COL5A1: variants seen among roughly 807,000 people sequenced by gnomAD.
COL5A1 encodes collagen type V alpha 1 chain.
Under a neutral mutation model 263.7 loss-of-function variants are expected in COL5A1, and 16 were observed. The ratio of observed to expected loss-of-function variants is 0.06; its 90% confidence interval spans 0.04 to 0.09. COL5A1 has a LOEUF of 0.09. Ranked by LOEUF, COL5A1 falls within the 10% of genes least tolerant of loss-of-function variation. The probability of loss-of-function intolerance (pLI) is 1.00; values close to 1 mark genes in which losing one functional copy is unlikely to be tolerated. For synonymous variants in COL5A1, 1,012 were observed against 1,004.5 expected (o/e 1.01, Z -0.14); for missense variants, 2,036 against 2,540.5 (o/e 0.80, Z 4.27).
At position 134,823,610 on chromosome 9, in the gene COL5A1, C is replaced by A. The variant is rs573657734; in HGVS notation, c.4698+141C>A. ...ATGCCCGGGCCTTGTCCCTCGCACGCAGCCGGGGAAATGAGCCACACAGGT... is the reference window on the plus strand; with the variant it reads ...ATGCCCGGGCCTTGTCCCTCGCACGAAGCCGGGGAAATGAGCCACACAGGT... On this transcript the variant is annotated intron_variant, in intron 61 of 65. Transcript: ENST00000371817. 11 of 824,982 alleles carry A rather than the reference C, an allele frequency of 1.3e-5. No homozygotes were observed. In the African/African-American group the frequency reaches 1.7e-4, roughly 13 times the overall value. 51.1% of individuals were successfully genotyped at this position (824,982 alleles called of 1,614,324 possible). A position where few individuals can be genotyped will look rare whatever the true frequency, so the allele number is the denominator to read the frequency against.
At chr9:134,698,020 G>T (rs1833541854) in intron 2 of COL5A1, among the ~76,000 whole-genome samples, 1 of 151,188 alleles carries the variant, frequency 6.6e-6, no homozygotes, top group Admixed American at 6.6e-5. Flanking sequence ...GGAGGTGGAG[G>T]TTGCAGTGAG....
chr9:134,671,896 CTT>C (rs1287002826), intron 1 of COL5A1, among the ~76,000 whole-genome samples: 2 of 152,252 alleles, frequency 1.3e-5, no homozygotes, highest in African/African-American at 4.8e-5. Context: ...GCGCGTTTGT[CTT>C]TTGTCCACAT....
intron 1 of COL5A1, among the ~76,000 whole-genome samples, chr9:134,658,548 G>A (rs537015495): frequency 1.7e-3 from 255 of 152,334 alleles, no homozygotes; most frequent in African/African-American, 5.9e-3. Flanking sequence ...CTGCAGCTAG[G>A]GCCTGGCCGA....
In COL5A1 at chr9:134,812,786, G is replaced by C. The variant is rs538410729; in HGVS notation, c.3852+74G>C. ...TGTGTGTGTGTGTCTGTGTGTGTGT[G>C]TCTGTGTGTATGTGTATGTGCGCAT... On this transcript the variant is annotated intron_variant, in intron 48 of 65. Coordinates refer to ENST00000371817, the MANE Select transcript of COL5A1 (RefSeq NM_000093.5). 63 of 1,048,786 alleles carry C rather than the reference G, an allele frequency of 6.0e-5. No homozygotes were observed. The East Asian group carries it at 1.5e-3, about 24-fold the overall frequency. The allele number at this position is 1,048,786 out of a possible 1,614,324, so 65.0% of individuals were successfully genotyped here.
intron 11 of COL5A1, among the ~76,000 whole-genome samples, chr9:134,744,761 AC>A (rs1481089801): frequency 6.6e-6 from 1 of 151,896 alleles, no homozygotes; most frequent in Admixed American, 6.5e-5. Flanking sequence ...ACATTCATGC[AC>A]ATGCTCACTC....
intron 11 of COL5A1, among the ~76,000 whole-genome samples, chr9:134,748,871 T>C (rs1446126660): frequency 6.6e-6 from 1 of 152,202 alleles, no homozygotes; most frequent in African/African-American, 2.4e-5. Context: ...ATGCAACAGA[T>C]GTTGCCAAGG....
chr9:134,759,355 T>C (rs72774428), intron 18 of COL5A1, among the ~76,000 whole-genome samples: 7,975 of 96,350 alleles, frequency 0.083, 629 homozygotes, highest in South Asian at 0.21. Context: ...CACACCCACA[T>C]TCATACACAG....
chr9:134,840,122 T>A (rs180793968), intron 65 of COL5A1, among the ~76,000 whole-genome samples: 34 of 152,380 alleles, frequency 2.2e-4, no homozygotes, highest in African/African-American at 6.5e-4. Flanking sequence ...AAAATGCAGA[T>A]TCCGAGTCCC....
At chr9:134,715,289 G>C (rs566806042) in intron 4 of COL5A1, among the ~76,000 whole-genome samples, 1 of 152,112 alleles carries the variant, frequency 6.6e-6, no homozygotes, top group Non-Finnish European at 1.5e-5. Context: ...GCAGTATGCC[G>C]CCAGCATGTC....
intron 4 of COL5A1, among the ~76,000 whole-genome samples, chr9:134,711,844 C>T (rs1052439687): frequency 1.3e-5 from 2 of 152,014 alleles, no homozygotes; most frequent in African/African-American, 2.4e-5. Flanking sequence ...TTCAGCGTCT[C>T]GTTCTCCAGC....
At chr9:134,685,633 CCACCATCCATCCATG>C (rs1235627737) in intron 1 of COL5A1, among the ~76,000 whole-genome samples, 28 of 118,736 alleles carry the variant, frequency 2.4e-4, no homozygotes, top group South Asian at 3.5e-4. Context: ...ATCCATCCAT[CCACCATCCATCCATG>C]CATCCATTCA....
At position 134,794,138 on chromosome 9, in the gene COL5A1, C is replaced by T. The variant is rs897883955; in HGVS notation, c.2701-944C>T. ...GTCAAGAGATCGAGACCATCCTTGC[C>T]AACATGGTGAAACCCTGTCTCTACT... On this transcript the variant is annotated intron_variant, in intron 32 of 65. Coordinates refer to ENST00000371817, the MANE Select transcript of COL5A1 (RefSeq NM_000093.5). This position sits in a 1 kb window ranked among gnomAD's most constrained non-coding sequence, Gnocchi z 4.3. 6.6e-6 allele frequency among the ~76,000 whole-genome samples: 1 copy of T among 152,036 alleles called. No individual in the cohort carries two copies.
In COL5A1 at chr9:134,796,409, T is replaced by C. The variant is rs780236310; in HGVS notation, c.2835T>C (p.Pro945=). ...NSGGDGPAGP[P]GERGPNGPQG... ...GAGGTGACGGCCCAGCTGGCCCTCC[T>C]GGTGAACGGGTAAGCAGCTGGAGCC... The change falls in exon 35 of 66, where the codon CCT becomes CCC. Residue 945 remains proline (P), a synonymous_variant. Transcript: ENST00000371817. 1.2e-6 allele frequency: 2 copies of C among 1,614,156 alleles called. No homozygotes were observed. The highest frequency in any genetic ancestry group is 2.2e-5 in the South Asian group (2 of 91,088).
chr9:134,751,915 CT>C (rs1442935091), intron 13 of COL5A1, among the ~76,000 whole-genome samples: 11 of 152,350 alleles, frequency 7.2e-5, no homozygotes, highest in Non-Finnish European at 8.8e-5. Context: ...CCTGGCTGGC[CT>C]TTTATCTTGT....
At chr9:134,762,776 C>T (rs1370901915) in intron 19 of COL5A1, among the ~76,000 whole-genome samples, 1 of 152,156 alleles carries the variant, frequency 6.6e-6, no homozygotes, top group African/African-American at 2.4e-5. Context: ...GGACGGGGCA[C>T]CTGCTCCTGT....
chr9:134,812,698 G>T lies in COL5A1; in HGVS notation c.3838G>T (p.Ala1280Ser). ...CCCAGGTGGAATAGGAAACCCTGGT[G>T]CAGTGGGAGAGAAGGTGAGGCTCGT... ...GPPGGIGNPG[A>S]VGEKGEPGEA... The change falls in exon 48 of 66, where the codon GCA (alanine) becomes TCA (serine). Residue 1280 changes from alanine to serine, a missense_variant. Ala to Ser is a moderately conservative substitution (Grantham distance 99). Coordinates refer to ENST00000371817, the MANE Select transcript of COL5A1 (RefSeq NM_000093.5). 1 of 1,579,848 alleles carries T rather than the reference G, an allele frequency of 6.3e-7. No individual in the cohort carries two copies. The highest frequency in any genetic ancestry group is 8.6e-7 in the Non-Finnish European group (1 of 1,162,890).
chr9:134,822,271 G>T, intron 59 of COL5A1, 121 bp downstream of exon 59: 3 of 853,342 alleles, frequency 3.5e-6, no homozygotes, highest in Admixed American at 4.0e-5. Flanking sequence ...TGGAATTGGG[G>T]CCTCCAGGGT....
In COL5A1 at chr9:134,756,770, G is replaced by T. The variant is rs763084641; in HGVS notation, c.1833G>T (p.Arg611=). 6.8e-6 allele frequency: 11 copies of T among 1,614,078 alleles called. No individual in the cohort carries two copies. Among genetic ancestry groups the T allele is most frequent in the Non-Finnish European group, 9.3e-6 (11 of 1,180,036 alleles). Reference sequence around the variant, plus strand: ...TTTTGCCTCCTTTGTTCCAGGGTCGGGCTGGGAGTGATGGAGCCAGAGGAA... The same window carrying T: ...TTTTGCCTCCTTTGTTCCAGGGTCGTGCTGGGAGTGATGGAGCCAGAGGAA... ...GPAGKPGRRG[R]AGSDGARGMP... The change falls in exon 17 of 66, where the codon CGG becomes CGT. Residue 611 remains arginine (R), a synonymous_variant. Coordinates refer to ENST00000371817, the MANE Select transcript of COL5A1 (RefSeq NM_000093.5).
chr9:134,692,800 G>A (rs943967686), intron 2 of COL5A1, among the ~76,000 whole-genome samples: 6 of 152,184 alleles, frequency 3.9e-5, no homozygotes, highest in East Asian at 1.9e-4. Flanking sequence ...TCAGCTGGGC[G>A]CGGTGGCTCA....
Sources: allele counts gnomAD v4.1 joint callset (sites outside exome capture counted in the v4.1 genomes callset), GRCh38; gene constraint gnomAD v4.1.1; non-coding constraint Gnocchi (gnomAD v3.1); transcripts MANE v1.5; gene names NCBI Gene and HGNC (gene_info 2026-07-23, HGNC 2026-07-21).